Variants in IL17RC observed in about 807,000 individuals in gnomAD.
IL17RC encodes the protein interleukin-17 receptor C.
Under a neutral mutation model 86.7 loss-of-function variants are expected in IL17RC, and 53 were observed. The observed-to-expected ratio is 0.61, with a 90% CI of 0.49 to 0.77. The LOEUF (loss-of-function observed/expected upper bound fraction) is 0.77, where lower values mean the gene tolerates loss of function less well. Ranked by LOEUF, IL17RC falls within the 30% of genes least tolerant of loss-of-function variation. IL17RC has a pLI of 0.00. For synonymous variants in IL17RC, 439 were observed against 413.1 expected (o/e 1.06, Z -0.76); for missense variants, 957 against 940.0 (o/e 1.02, Z -0.24).
At chr3:9,921,378 C>T (rs990903893) in intron 7 of IL17RC, among the ~76,000 whole-genome samples, 5 of 152,018 alleles carry the variant, frequency 3.3e-5, no homozygotes, top group Non-Finnish European at 7.4e-5. Flanking sequence ...TCACTTGAGC[C>T]TGGGAGGCAG....
At chr3:9,925,298 A>G (rs532309609) in intron 9 of IL17RC, among the ~76,000 whole-genome samples, 4 of 151,830 alleles carry the variant, frequency 2.6e-5, no homozygotes, top group Admixed American at 2.0e-4. Flanking sequence ...TTGTATTTTC[A>G]GTAAAGACAG....
intron 9 of IL17RC, among the ~76,000 whole-genome samples, chr3:9,927,340 C>T (rs574549296): frequency 1.4e-4 from 19 of 131,256 alleles, no homozygotes; most frequent in East Asian, 4.6e-4. Context: ...GGGTGGATCA[C>T]GAGGTCAGGA....
Position 9,917,408 on chromosome 3 carries a change from C to T in IL17RC, c.93C>T (p.Thr31=), listed in dbSNP as rs778732124. ...GGCTTGTGGGGCCTCAGGACGCTACCCACTGCTCTCCGGTGAGTCTGGAAC... is the reference window on the plus strand; with the variant it reads ...GGCTTGTGGGGCCTCAGGACGCTACTCACTGCTCTCCGGTGAGTCTGGAAC... ...LERLVGPQDA[T]HCSPGLSCRL... The change falls in exon 1 of 19, where the codon ACC becomes ACT. Residue 31 remains threonine, a synonymous_variant. Transcript: ENST00000403601. 2.5e-6 allele frequency: 4 copies of T among 1,614,160 alleles called. No homozygotes were observed. Among genetic ancestry groups the T allele is most frequent in the Non-Finnish European group, 2.5e-6 (3 of 1,179,994 alleles).
rs1306669853 is a variant in IL17RC, at chr3:9,917,371, T to C, written c.56T>C (p.Leu19Pro). ...GCACTGGGCCGAAGCCCAGTGGTCCTTTCTCTGGAGAGGCTTGTGGGGCCT... is the reference window on the plus strand; with the variant it reads ...GCACTGGGCCGAAGCCCAGTGGTCCCTTCTCTGGAGAGGCTTGTGGGGCCT... The part of the protein sequence containing the change: ...SLALGRSPVV[L>P]SLERLVGPQD... The change falls in exon 1 of 19, where the codon CTT (leucine) becomes CCT (proline). Residue 19 changes from leucine (L) to proline (P), a missense_variant. Transcript: ENST00000403601. The C allele has an allele frequency of 1.9e-6, 3 of 1,614,118 alleles. No individual in the cohort carries two copies. The highest frequency in any genetic ancestry group is 2.5e-6 in the Non-Finnish European group (3 of 1,179,990).
Position 9,925,780 on chromosome 3 carries a change from C to T in IL17RC, c.822+1489C>T, listed in dbSNP as rs141461636. 4.2e-4 allele frequency among the ~76,000 whole-genome samples: 64 copies of T among 152,214 alleles called. No homozygotes were observed. The East Asian group carries it at 0.011, about 26-fold the overall frequency. On this transcript the variant is annotated intron_variant, in intron 9 of 18. Transcript: ENST00000403601. ...TTCCCAAAGCTTTTCCCCAACCACC[C>T]GGCCTCTCCTAGCTCCAAATCCCCT... is the stretch of plus-strand genomic sequence containing the variant.
Position 9,930,123 on chromosome 3 carries a change from A to C in IL17RC, c.1252A>C (p.Thr418Pro), listed in dbSNP as rs757264503. 6.2e-7 allele frequency: 1 copy of C among 1,614,058 alleles called. No homozygotes were observed. ...CTGTGCCTTGGAACCCAGTGGCTGT[A>C]CTTCACTACCCAGCAAAGCCTCCAC... is the stretch of plus-strand genomic sequence containing the variant. The part of the protein sequence containing the change: ...SLCALEPSGC[T>P]SLPSKASTRA... Residue 418 changes from threonine (T) to proline (P), a missense_variant, in exon 14 of 19, where the codon ACT becomes CCT. By Grantham distance (38) the Thr-to-Pro change is conservative. Transcript: ENST00000403601. This position sits in a 1 kb window ranked among gnomAD's most constrained non-coding sequence, Gnocchi z 5.8.
chr3:9,933,245 G>C lies in IL17RC; in HGVS notation c.1815G>C (p.Pro605=). Residue 605 remains proline, a synonymous_variant, in exon 19 of 19, where the codon CCG becomes CCC. Coordinates refer to ENST00000403601, the MANE Select transcript of IL17RC (RefSeq NM_153460.4). ...TGTCCGGGCCCGGGGCGCACGGCCC[G>C]CACGACGCCTTCCGCGCCTCGCTCA... ...DGVSGPGAHG[P]HDAFRASLSC... 6.2e-7 allele frequency: 1 copy of C among 1,604,504 alleles called. No individual in the cohort carries two copies. Among genetic ancestry groups the C allele is most frequent in the Non-Finnish European group, 8.5e-7 (1 of 1,176,146 alleles).
chr3:9,929,611 C>T (rs1363091879), intron 12 of IL17RC: 1 of 572,898 alleles, frequency 1.7e-6, no homozygotes, highest in Non-Finnish European at 3.1e-6. Context: ...GAACCATGCT[C>T]CGTAAGACAT....
chr3:9,933,605 C>G lies in IL17RC; in HGVS notation c.*12C>G, dbSNP rs745988789. 6.4e-7 allele frequency: 1 copy of G among 1,565,284 alleles called. No homozygotes were observed. The highest frequency in any genetic ancestry group is 2.3e-5 in the East Asian group (1 of 44,214). Reference sequence around the variant, plus strand: ...GGGACGGGACTTAAATAAAGGCAGACGCTGTTTTTCTACCCATGTGGCCCA... The same window carrying G: ...GGGACGGGACTTAAATAAAGGCAGAGGCTGTTTTTCTACCCATGTGGCCCA... On this transcript the variant is annotated 3_prime_UTR_variant, in exon 19 of 19. Transcript: ENST00000403601.
chr3:9,933,462 C>A lies in IL17RC; in HGVS notation c.2032C>A (p.Gln678Lys), dbSNP rs201153828. The A allele has an allele frequency of 1.2e-6, 2 of 1,612,908 alleles. No homozygotes were observed. Among genetic ancestry groups the A allele is most frequent in the Non-Finnish European group, 8.5e-7 (1 of 1,179,774 alleles). ...TCGCGCCCCGCGTTCCGGGCGGCTCCAAGAGAGAGCGGAGCAAGTGTCCCG... is the reference window on the plus strand; with the variant it reads ...TCGCGCCCCGCGTTCCGGGCGGCTCAAAGAGAGAGCGGAGCAAGTGTCCCG... ...QPRAPRSGRL[Q>K]ERAEQVSRAL... The change falls in exon 19 of 19, where the codon CAA becomes AAA. Residue 678 changes from glutamine (Q) to lysine (K), a missense_variant. Gln to Lys is a moderately conservative substitution (Grantham distance 53). Coordinates refer to ENST00000403601, the MANE Select transcript of IL17RC (RefSeq NM_153460.4).
chr3:9,925,041 T>C (rs1447931471), intron 9 of IL17RC, among the ~76,000 whole-genome samples: 1 of 151,714 alleles, frequency 6.6e-6, no homozygotes, highest in African/African-American at 2.4e-5. Context: ...GGGCTTATGC[T>C]ATCCTCCCAC....
intron 7 of IL17RC, among the ~76,000 whole-genome samples, chr3:9,922,055 C>T (rs1053066183): frequency 1.4e-5 from 2 of 146,446 alleles, no homozygotes; most frequent in Non-Finnish European, 1.5e-5. Flanking sequence ...TGGGTTCAAG[C>T]GATTCTCCTG....
chr3:9,920,794 GC>G, intron 6 of IL17RC, 130 bp from the exon 7 acceptor site: 1 of 801,310 alleles, frequency 1.2e-6, no homozygotes, highest in Non-Finnish European at 2.0e-6. Flanking sequence ...GGTTCTTTGA[GC>G]ATTGGATAGA....
chr3:9,933,095 C>A lies in IL17RC; in HGVS notation c.1665C>A (p.Ser555Arg). ...AVDLWSRREL[S>R]AQGPVAWFHA... The stretch of plus-strand genomic sequence containing the variant: ...ACCTGTGGAGCCGTCGTGAACTGAG[C>A]GCGCAGGGGCCCGTGGCTTGGTTTC... Residue 555 changes from serine to arginine, a missense_variant, in exon 19 of 19, where the codon AGC becomes AGA. Ser to Arg is a moderately radical substitution (Grantham distance 110). Coordinates refer to ENST00000403601, the MANE Select transcript of IL17RC (RefSeq NM_153460.4). The A allele has an allele frequency of 6.4e-7, 1 of 1,569,746 alleles. No individual in the cohort carries two copies. Among genetic ancestry groups the A allele is most frequent in the Admixed American group, 1.8e-5 (1 of 54,814 alleles).
At position 9,931,468 on chromosome 3, in the gene IL17RC, C is replaced by CATAT. The variant is rs1164461805; in HGVS notation, c.1387+526_1387+527insTATA. ...TTTATATATTTCACACACACACACA[C>CATAT]ACATATATATATATATATATATATA... On this transcript the variant is annotated intron_variant, in intron 16 of 18. Coordinates refer to ENST00000403601, the MANE Select transcript of IL17RC (RefSeq NM_153460.4). Among the ~76,000 whole-genome samples, 166 of 17,862 alleles carry CATAT rather than the reference C, an allele frequency of 9.3e-3. 1 individual carries two copies. The highest frequency in any genetic ancestry group is 0.033 in the South Asian group (12 of 360). The allele number at this position is 17,862 out of a possible 152,430, so 11.7% of individuals were successfully genotyped here.
At chr3:9,927,519 C>T (rs1288994479) in intron 9 of IL17RC, among the ~76,000 whole-genome samples, 2 of 152,184 alleles carry the variant, frequency 1.3e-5, no homozygotes. Flanking sequence ...GATCACACCA[C>T]TGCACTCCAG....
Position 9,921,976 on chromosome 3 carries a change from G to A in IL17RC, c.622+1007G>A, listed in dbSNP as rs1452106072. Among the ~76,000 whole-genome samples, 125 of 107,754 alleles carry A rather than the reference G, an allele frequency of 1.2e-3. 1 individual carries two copies. Among genetic ancestry groups the A allele is most frequent in the Middle Eastern group, 8.2e-3 (1 of 122 alleles). The allele number at this position is 107,754 out of a possible 152,430, so 70.7% of individuals were successfully genotyped here. On this transcript the variant is annotated intron_variant, in intron 7 of 18. Coordinates refer to ENST00000403601, the MANE Select transcript of IL17RC (RefSeq NM_153460.4). ...TCTTTTTTTTTTTTTTTTTTTTGGC[G>A]GAATCTTGCTCTGTCGCCTAGGCTG...
chr3:9,924,796 C>T (rs574180218), intron 9 of IL17RC, among the ~76,000 whole-genome samples: 1 of 152,242 alleles, frequency 6.6e-6, no homozygotes, highest in Admixed American at 6.5e-5. Context: ...CTTTCCTCTT[C>T]CTCTGTACAT....
At position 9,928,477 on chromosome 3, in the gene IL17RC, C is replaced by T; in HGVS notation, c.1050C>T (p.Val350=). 2 of 1,611,748 alleles carry T rather than the reference C, an allele frequency of 1.2e-6. No individual in the cohort carries two copies. The highest frequency in any genetic ancestry group is 1.3e-5 in the African/African-American group (1 of 75,026). The change falls in exon 11 of 19, where the codon GTC becomes GTT. Residue 350 remains valine (V), a synonymous_variant. Transcript: ENST00000403601. The stretch of plus-strand genomic sequence containing the variant: ...TCCCACCGCTTTCCTGGGAGAACGT[C>T]ACTGTGGACGTAAGTGAAGCAGAGG... The part of the protein sequence containing the change: ...PLVPPLSWEN[V]TVDKVLEFPL...
Sources: gnomAD v4.1 joint callset for allele counts (sites outside exome capture counted in the v4.1 genomes callset) on GRCh38, gnomAD v4.1.1 for gene constraint, Gnocchi (gnomAD v3.1) non-coding constraint, MANE v1.5 for transcripts, NCBI Gene and HGNC (gene_info 2026-07-23, HGNC 2026-07-21) for gene names.